TTLL6: variants seen among roughly 807,000 people sequenced by gnomAD.
TTLL6 encodes the protein tubulin polyglutamylase TTLL6.
TTLL6 carries 75 observed loss-of-function variants against 96.4 expected under a neutral mutation model. That is an observed-to-expected ratio of 0.78 (90% CI 0.65 to 0.94). The LOEUF is 0.94. Among genes scored for constraint, TTLL6 ranks in the 40% least tolerant of loss-of-function variants. The pLI is 0.00. For synonymous variants in TTLL6, 411 were observed against 419.4 expected, an observed-to-expected ratio of 0.98 and a Z score of 0.24; for missense variants, 1,030 against 1,093.0, an observed-to-expected ratio of 0.94 and a Z score of 0.81.
intron 13 of TTLL6, among the ~76,000 whole-genome samples, chr17:48,777,933 C>T (rs7208848): frequency 0.31 from 46,311 of 151,124 alleles, 7,306 homozygotes; most frequent in Admixed American, 0.41. Context: ...CATAGGAGAA[C>T]ATATTTGTGA....
At chr17:48,800,446 C>T (rs1053675452) in intron 5 of TTLL6, among the ~76,000 whole-genome samples, 2 of 152,236 alleles carry the variant, frequency 1.3e-5, no homozygotes, top group African/African-American at 2.4e-5. Flanking sequence ...AGTCACTTAA[C>T]TGCAATGTTC....
At position 48,769,888 on chromosome 17, in the gene TTLL6, C is replaced by T; in HGVS notation, c.2250G>A (p.Lys750=). ...MLKSFLPTKS[K]SFWESPNTNW... The stretch of plus-strand genomic sequence containing the variant: ...TTGTGTTCGGACTCTCCCAGAAGCT[C>T]TTGGATTTTGTGGGCAGAAAAGATT... Residue 750 remains lysine (K), a synonymous_variant, in exon 14 of 16, where the codon AAG becomes AAA. Transcript: ENST00000393382. 1 of 1,614,200 alleles carries T rather than the reference C, an allele frequency of 6.2e-7. No individual in the cohort carries two copies. Among genetic ancestry groups the T allele is most frequent in the Non-Finnish European group, 8.5e-7 (1 of 1,180,028 alleles).
intron 6 of TTLL6, among the ~76,000 whole-genome samples, chr17:48,797,650 G>A (rs922101646): frequency 6.6e-6 from 1 of 152,016 alleles, no homozygotes; most frequent in African/African-American, 2.4e-5. Context: ...TGCCAGGCGC[G>A]GTGGTGGGCC....
Position 48,809,919 on chromosome 17 carries a change from A to G in TTLL6, c.104-4928T>C, listed in dbSNP as rs920163366. Among the ~76,000 whole-genome samples, 17 of 151,564 alleles carry G rather than the reference A, an allele frequency of 1.1e-4. No homozygotes were observed. The South Asian group carries it at 2.3e-3, about 20-fold the overall frequency. On this transcript the variant is annotated intron_variant, in intron 1 of 15. Coordinates refer to ENST00000393382, the MANE Select transcript of TTLL6 (RefSeq NM_001130918.3). ...AATCCCAGCACTTTGGGAGGCCTCA[A>G]CTGAGGTCGGGAGTTCGAGACCAGC...
At chr17:48,768,249 C>G (rs2038654787) in intron 15 of TTLL6, among the ~76,000 whole-genome samples, 1 of 151,734 alleles carries the variant, frequency 6.6e-6, no homozygotes, top group Admixed American at 6.6e-5. Flanking sequence ...CATGCTCCAC[C>G]ACACCCAGCT....
chr17:48,804,858 C>T lies in TTLL6; in HGVS notation c.237G>A (p.Ala79=). 1 of 1,552,344 alleles carries T rather than the reference C, an allele frequency of 6.4e-7. No homozygotes were observed. Among genetic ancestry groups the T allele is most frequent in the Non-Finnish European group, 8.7e-7 (1 of 1,147,138 alleles). The change falls in exon 2 of 16, where the codon GCG becomes GCA. Residue 79 remains alanine (A), a synonymous_variant. Coordinates refer to ENST00000393382, the MANE Select transcript of TTLL6 (RefSeq NM_001130918.3). ...CTGGGTTCTCTCTCACAAAAGCCAGCGCGACGGTTTCTTTTGGATCTTCTT... is the reference window on the plus strand; with the variant it reads ...CTGGGTTCTCTCTCACAAAAGCCAGTGCGACGGTTTCTTTTGGATCTTCTT... The part of the protein sequence containing the change: ...SSKEDPKETV[A]LAFVRENPGA...
chr17:48,803,962 CA>C, intron 2 of TTLL6, 34 bp from the exon 3 acceptor site: 1 of 1,550,262 alleles, frequency 6.5e-7, no homozygotes, highest in East Asian at 2.4e-5. Flanking sequence ...AGCAGCAAGA[CA>C]GAGACACACT....
At chr17:48,815,393 G>A (rs1044560643) in intron 1 of TTLL6, 2 of 152,192 alleles carry the variant, frequency 1.3e-5, no homozygotes, top group African/African-American at 2.4e-5. Context: ...AAGGCCTCCA[G>A]TGGTTCTTGG....
chr17:48,772,967 G>T lies in TTLL6; in HGVS notation c.2041-2870C>A, dbSNP rs1341261842. 6.3e-5 allele frequency among the ~76,000 whole-genome samples: 6 copies of T among 95,312 alleles called. No homozygotes were observed. In the South Asian group the frequency reaches 8.0e-4, roughly 13 times the overall value. 62.5% of individuals were successfully genotyped at this position (95,312 alleles called of 152,430 possible). ...TGCAGTAAGCTGTAATTGTGTCACT[G>T]CACTCCAGCCTGGGTGACAGAGTGA... On this transcript the variant is annotated intron_variant, in intron 13 of 15. Coordinates refer to ENST00000393382, the MANE Select transcript of TTLL6 (RefSeq NM_001130918.3).
intron 8 of TTLL6, chr17:48,794,052 C>T: frequency 4.2e-6 from 5 of 1,185,432 alleles, no homozygotes; most frequent in Non-Finnish European, 5.9e-6. Context: ...ACAGGCTGAG[C>T]CCAGCAAGGG....
intron 15 of TTLL6, among the ~76,000 whole-genome samples, chr17:48,763,773 T>C (rs1009947789): frequency 1.3e-5 from 2 of 152,162 alleles, no homozygotes; most frequent in East Asian, 3.9e-4. Flanking sequence ...CATTCCAGCC[T>C]GAGCGACAGA....
intron 8 of TTLL6, among the ~76,000 whole-genome samples, chr17:48,793,997 C>T (rs538721397): frequency 2.4e-4 from 36 of 152,122 alleles, no homozygotes; most frequent in Non-Finnish European, 4.3e-4. Flanking sequence ...GAGTTGAAGA[C>T]GTCCAGGTGG....
chr17:48,795,027 T>C (rs1191930519), intron 8 of TTLL6, among the ~76,000 whole-genome samples: 1 of 152,140 alleles, frequency 6.6e-6, no homozygotes, highest in Non-Finnish European at 1.5e-5. Flanking sequence ...ATAGTGTTGC[T>C]GTGAAAAATT....
intron 1 of TTLL6, among the ~76,000 whole-genome samples, chr17:48,813,394 T>C (rs1413538214): frequency 6.6e-6 from 1 of 151,660 alleles, no homozygotes; most frequent in African/African-American, 2.4e-5. Flanking sequence ...ACTCTACCAA[T>C]AAATAAATAA....
chr17:48,788,771 A>G (rs1026198339), intron 10 of TTLL6, among the ~76,000 whole-genome samples: 4 of 152,162 alleles, frequency 2.6e-5, no homozygotes, highest in African/African-American at 9.7e-5. Context: ...AAGGCCACAC[A>G]GCACTCCACC....
intron 8 of TTLL6, among the ~76,000 whole-genome samples, chr17:48,793,174 C>T (rs2039257757): frequency 6.6e-6 from 1 of 152,006 alleles, no homozygotes; most frequent in South Asian, 2.1e-4. Flanking sequence ...CCTCAAACGC[C>T]AACTTTGGGA....
intron 12 of TTLL6, 86 bp downstream of exon 12, chr17:48,786,078 G>A: frequency 6.4e-7 from 1 of 1,573,370 alleles, no homozygotes; most frequent in Non-Finnish European, 8.6e-7. Context: ...TGGGCTCTGA[G>A]CAGTGGTCTC....
At position 48,789,952 on chromosome 17, in the gene TTLL6, T is replaced by A; in HGVS notation, c.1379A>T (p.Gln460Leu). 6.2e-7 allele frequency: 1 copy of A among 1,614,164 alleles called. No individual in the cohort carries two copies. Among genetic ancestry groups the A allele is most frequent in the Non-Finnish European group, 8.5e-7 (1 of 1,180,018 alleles). ...GTACCTCATCTCCCGAGAACAACAC[T>A]GCTGCAGGAACTGCCCCCGTTGTCT... ...EERQRGQFLQ[Q>L]CCSREMRIEE... The change falls in exon 10 of 16, where the codon CAG becomes CTG. Residue 460 changes from glutamine to leucine, a missense_variant. By Grantham distance (113) the Gln-to-Leu change is moderately radical. Coordinates refer to ENST00000393382, the MANE Select transcript of TTLL6 (RefSeq NM_001130918.3).
chr17:48,786,964 G>C (rs1296355010), intron 11 of TTLL6, among the ~76,000 whole-genome samples: 1 of 151,644 alleles, frequency 6.6e-6, no homozygotes, highest in Non-Finnish European at 1.5e-5. Flanking sequence ...AGAGTAGCTG[G>C]GATTACAGGA....
Sources: gnomAD v4.1 joint callset for allele counts (sites outside exome capture counted in the v4.1 genomes callset) on GRCh38, gnomAD v4.1.1 for gene constraint, MANE v1.5 for transcripts, NCBI Gene and HGNC (gene_info 2026-07-23, HGNC 2026-07-21) for gene names.